HGF: variants seen among roughly 807,000 people sequenced by gnomAD.
HGF encodes the protein hepatocyte growth factor.
In HGF, 39 loss-of-function variants were observed where a neutral mutation model predicts 111.6. The ratio of observed to expected loss-of-function variants is 0.35; its 90% CI spans 0.27 to 0.46. The LOEUF is 0.46. Ranked by LOEUF, HGF falls within the 20% of genes least tolerant of loss-of-function variation. HGF has a pLI of 1.00. For missense variants in HGF, 735 were observed against 910.5 expected (o/e 0.81, Z 2.48); for synonymous variants, 285 against 294.8 (o/e 0.97, Z 0.34).
chr7:81,712,788 TG>T (rs1460399025), intron 11 of HGF, among the ~76,000 whole-genome samples: 1 of 152,224 alleles, frequency 6.6e-6, no homozygotes, highest in Admixed American at 6.5e-5. Flanking sequence ...TGGATTCCTT[TG>T]TAATAGATGC....
intron 10 of HGF, among the ~76,000 whole-genome samples, 198 bp downstream of exon 10, chr7:81,720,547 A>G (rs1453011464): frequency 2.0e-5 from 3 of 152,240 alleles, no homozygotes; most frequent in African/African-American, 7.2e-5. Context: ...AATATCCACT[A>G]ACTTGAATTG....
chr7:81,711,534 G>T lies in HGF; in HGVS notation c.1406-15C>A. 1 of 1,237,162 alleles carries T rather than the reference G, an allele frequency of 8.1e-7. No individual in the cohort carries two copies. Among genetic ancestry groups the T allele is most frequent in the Non-Finnish European group, 1.2e-6 (1 of 854,900 alleles). 76.6% of individuals were successfully genotyped at this position (1,237,162 alleles called of 1,614,324 possible). On this transcript the variant is annotated splice_polypyrimidine_tract_variant and intron_variant, in intron 11 of 17. Coordinates refer to ENST00000222390, the MANE Select transcript of HGF (RefSeq NM_000601.6). ...ATCACCTTCACCTGTAAAAATAAAT[G>T]TATAGATAAATACACAATTCATATA...
chr7:81,704,800 G>A (rs1049824567), intron 17 of HGF, among the ~76,000 whole-genome samples: 4 of 151,772 alleles, frequency 2.6e-5, no homozygotes, highest in Non-Finnish European at 5.9e-5. Flanking sequence ...TTAACAGCTT[G>A]TCTATGTAAA....
chr7:81,762,910 G>T lies in HGF; in HGVS notation c.89-38C>A, dbSNP rs895852815. 5.7e-6 allele frequency: 7 copies of T among 1,221,220 alleles called. No individual in the cohort carries two copies. The African/African-American group carries it at 9.0e-5, about 16-fold the overall frequency. The allele number at this position is 1,221,220 out of a possible 1,614,324, so 75.6% of individuals were successfully genotyped here. A position where few individuals can be genotyped will look rare whatever the true frequency, so the allele number is the denominator to read the frequency against. On this transcript the variant is annotated intron_variant, in intron 1 of 17. Transcript: ENST00000222390. ...AAATGTTTTAAAAAAATAAACATTG[G>T]AGAAATGTTTTTAAGGCTCATATAT...
chr7:81,702,790 T>A, intron 17 of HGF, 33 bp from the exon 18 acceptor site: 1 of 1,578,034 alleles, frequency 6.3e-7, no homozygotes, highest in Non-Finnish European at 8.7e-7. Flanking sequence ...CAAAGTATTA[T>A]TAGGAATTAA....
chr7:81,729,043 G>A, intron 8 of HGF, among the ~76,000 whole-genome samples: 1 of 10,032 alleles, frequency 1.0e-4, no homozygotes, highest in African/African-American at 2.3e-4. Flanking sequence ...CAGTTTCTTT[G>A]GCTTGAGTCA....
chr7:81,766,651 A>G (rs1789371373), intron 1 of HGF, among the ~76,000 whole-genome samples: 1 of 152,156 alleles, frequency 6.6e-6, no homozygotes, highest in Admixed American at 6.5e-5. Flanking sequence ...AGTGATGTTC[A>G]GTGTGATTTG....
rs5745688 is a variant in HGF at position 81,729,657 on chromosome 7, C to A, written c.988G>T (p.Asp330Tyr). ...TCATGCTCGTGAGGATACTGAGAAT[C>A]CCAACGCTGACATGGAATTCCATTC... The part of the protein sequence containing the change: ...IWNGIPCQRW[D>Y]SQYPHEHDMT... Residue 330 changes from aspartate (D) to tyrosine (Y), a missense_variant, in exon 8 of 18, where the codon GAT becomes TAT. By Grantham distance (160) the Asp-to-Tyr change is radical. Transcript: ENST00000222390. 2.4e-5 allele frequency: 39 copies of A among 1,613,806 alleles called. No individual in the cohort carries two copies. The highest frequency in any genetic ancestry group is 2.9e-5 in the Non-Finnish European group (34 of 1,179,852).
chr7:81,710,080 A>G (rs1222244064), intron 13 of HGF, 67 bp downstream of exon 13: 1 of 1,101,684 alleles, frequency 9.1e-7, no homozygotes, highest in African/African-American at 1.5e-5. Context: ...ATGTGTCCAT[A>G]TTTCTGGGAA....
chr7:81,736,148 G>T (rs764435608), intron 7 of HGF, among the ~76,000 whole-genome samples: 5 of 152,100 alleles, frequency 3.3e-5, no homozygotes, highest in Non-Finnish European at 5.9e-5. Context: ...AAGTATAGTA[G>T]TTCCTCCTTA....
chr7:81,705,863 T>C, intron 15 of HGF, 110 bp from the exon 16 acceptor site: 1 of 599,530 alleles, frequency 1.7e-6, no homozygotes, highest in Non-Finnish European at 2.8e-6. Context: ...AATGAAGTCC[T>C]GTTTCTTAAA....
At chr7:81,716,267 A>T (rs1789710114) in intron 11 of HGF, among the ~76,000 whole-genome samples, 3 of 152,092 alleles carry the variant, frequency 2.0e-5, no homozygotes, top group Admixed American at 2.0e-4. Context: ...AACAGCATCT[A>T]CCCCAAAATG....
intron 4 of HGF, among the ~76,000 whole-genome samples, chr7:81,753,704 G>A (rs1293466493): frequency 6.6e-6 from 1 of 151,870 alleles, no homozygotes; most frequent in East Asian, 1.9e-4. Flanking sequence ...CATTTTCAGG[G>A]AACCAGTGAA....
intron 1 of HGF, among the ~76,000 whole-genome samples, chr7:81,767,038 A>G (rs1789390990): frequency 6.6e-6 from 1 of 152,052 alleles, no homozygotes; most frequent in Admixed American, 6.5e-5. Context: ...CCTTATACTT[A>G]CGAACCTCTG....
chr7:81,742,290 G>C (rs1288424197), intron 7 of HGF, among the ~76,000 whole-genome samples: 1 of 152,048 alleles, frequency 6.6e-6, no homozygotes, highest in African/African-American at 2.4e-5. Flanking sequence ...GATTTACCTC[G>C]GCAGTACCAT....
intron 7 of HGF, among the ~76,000 whole-genome samples, chr7:81,731,822 T>G (rs1787667040): frequency 6.6e-6 from 1 of 152,108 alleles, no homozygotes; most frequent in African/African-American, 2.4e-5. Flanking sequence ...TCCTTGGGCA[T>G]CTATCAGTTC....
At chr7:81,715,723 T>A (rs541662855) in intron 11 of HGF, among the ~76,000 whole-genome samples, 96 of 152,242 alleles carry the variant, frequency 6.3e-4, no homozygotes, top group Non-Finnish European at 1.1e-3. Context: ...GAAATTTACC[T>A]CTTTAATTTG....
chr7:81,711,514 C>T lies in HGF; in HGVS notation c.1411G>A (p.Gly471Ser). ...WDYCPISRCEGDTTPTIVNLD... is the reference protein window; with the variant it reads ...WDYCPISRCESDTTPTIVNLD... ...TTGACTATTGTAGGTGTGGTATCAC[C>T]TTCACCTGTAAAAATAAATGTATAG... The change falls in exon 12 of 18, where the codon GGT (glycine) becomes AGT (serine). Residue 471 changes from glycine to serine, a missense_variant. Physicochemically the swap from Gly to Ser is moderately conservative, Grantham distance 56 (BLOSUM62 0). This residue lies in a region of HGF where 553 missense variants were observed against 685.6 expected (regional missense o/e 0.81). Transcript: ENST00000222390. 7.1e-7 allele frequency: 1 copy of T among 1,411,496 alleles called. No homozygotes were observed. Among genetic ancestry groups the T allele is most frequent in the Non-Finnish European group, 9.9e-7 (1 of 1,007,744 alleles). 87.4% of individuals were successfully genotyped at this position (1,411,496 alleles called of 1,614,324 possible). A position where few individuals can be genotyped will look rare whatever the true frequency, so the allele number is the denominator to read the frequency against.
chr7:81,763,449 T>C (rs1271580703), intron 1 of HGF, among the ~76,000 whole-genome samples: 2 of 152,270 alleles, frequency 1.3e-5, no homozygotes, highest in East Asian at 3.9e-4. Flanking sequence ...CACTATTTCT[T>C]GGTATCACCG....
Sources: allele counts gnomAD v4.1 joint callset (sites outside exome capture counted in the v4.1 genomes callset), GRCh38; gene constraint gnomAD v4.1.1; regional missense constraint gnomAD v4.1.1; transcripts MANE v1.5; gene names NCBI Gene and HGNC (gene_info 2026-07-23, HGNC 2026-07-21).